The following MAU2 variants were observed in gnomAD, a reference collection of about 807,000 sequenced individuals.
MAU2 encodes MAU2 sister chromatid cohesion factor.
In MAU2, 9 loss-of-function variants were observed where a neutral mutation model predicts 89.1. The ratio of observed to expected loss-of-function variants is 0.10; its 90% confidence interval spans 0.06 to 0.18. MAU2 has a LOEUF of 0.18. MAU2 is among the 10% of genes least tolerant of loss of function. The pLI is 1.00. For missense variants in MAU2, 425 were observed against 803.5 expected (o/e 0.53, Z 5.69); for synonymous variants, 357 against 343.4 (o/e 1.04, Z -0.44).
chr19:19,331,699 C>G (rs1680127940), intron 1 of MAU2, among the ~76,000 whole-genome samples: 1 of 149,622 alleles, frequency 6.7e-6, no homozygotes. Flanking sequence ...CCCAGGAGTT[C>G]AAGACCAGCC....
intron 16 of MAU2, 148 bp from the exon 17 acceptor site, chr19:19,354,207 A>T (rs2048151444): frequency 3.0e-6 from 2 of 666,314 alleles, no homozygotes; most frequent in Non-Finnish European, 5.5e-6. Context: ...CTCTGAGGTA[A>T]GCATAGGAGT....
At chr19:19,355,158 C>A in intron 17 of MAU2, 106 bp from the exon 18 acceptor site, 1 of 1,427,202 alleles carries the variant, frequency 7.0e-7, no homozygotes, top group Non-Finnish European at 9.6e-7. Context: ...CCCAGAGATC[C>A]ACCAGTGCAG....
chr19:19,327,354 C>T (rs1384185421), intron 1 of MAU2, among the ~76,000 whole-genome samples: 3 of 150,194 alleles, frequency 2.0e-5, no homozygotes, highest in Admixed American at 6.7e-5. Flanking sequence ...GAGACAGAGT[C>T]TCGCTCTGTC....
intron 16 of MAU2, chr19:19,354,085 C>G (rs975267603): frequency 3.9e-6 from 2 of 506,978 alleles, no homozygotes; most frequent in African/African-American, 3.9e-5. Context: ...TCTGCTTGAA[C>G]AGGTAGAAGC....
chr19:19,322,524 C>G (rs941561785), intron 1 of MAU2, among the ~76,000 whole-genome samples: 4 of 152,150 alleles, frequency 2.6e-5, no homozygotes, highest in Non-Finnish European at 5.9e-5. Flanking sequence ...AGCTAAGCCC[C>G]GGGAGGTCGT....
In MAU2 at chr19:19,345,022, CT is replaced by C. The variant is rs2061681910; in HGVS notation, c.1155+97del. On this transcript the variant is annotated intron_variant, in intron 11 of 18. Transcript: ENST00000262815. This position sits in a 1 kb window ranked among gnomAD's most constrained non-coding sequence, Gnocchi z 4.9. ...CAGAACATTCCCAGTGAAGGACCCC[CT>C]GACAGCACCCTAATCAGAATCCGGA... The C allele has an allele frequency of 2.3e-5, 25 of 1,091,230 alleles. No homozygotes were observed. The highest frequency in any genetic ancestry group is 3.2e-5 in the Non-Finnish European group (23 of 729,136). The allele number at this position is 1,091,230 out of a possible 1,614,324, so 67.6% of individuals were successfully genotyped here.
At chr19:19,333,768 T>G (rs1049842124) in intron 1 of MAU2, among the ~76,000 whole-genome samples, 6 of 152,210 alleles carry the variant, frequency 3.9e-5, no homozygotes, top group Non-Finnish European at 8.8e-5. Context: ...TTACCTCTGC[T>G]GGGATGCAGT....
chr19:19,335,884 CTGCTGCCCTTGGGCGCTG>C (rs1466945313), intron 2 of MAU2, 149 bp downstream of exon 2: 9 of 925,710 alleles, frequency 9.7e-6, no homozygotes, highest in South Asian at 7.1e-5. Context: ...ACCTGGCCCT[CTGCTGCCCTTGGGCGCTG>C]TGCTCCTCTT....
rs975320898 is a variant in MAU2, at chr19:19,343,817, C to T, written c.974-20C>T. The T allele has an allele frequency of 1.3e-6, 2 of 1,595,442 alleles. No individual in the cohort carries two copies. Among genetic ancestry groups the T allele is most frequent in the Non-Finnish European group, 1.7e-6 (2 of 1,164,038 alleles). ...TCCTCTGGCCTCCCCTGCATGCTTA[C>T]CCCTGACTCTCACCCATAGTGCTGG... On this transcript the variant is annotated intron_variant, in intron 9 of 18. Transcript: ENST00000262815.
chr19:19,354,208 G>A (rs561151266), intron 16 of MAU2, 147 bp from the exon 17 acceptor site: 13 of 671,140 alleles, frequency 1.9e-5, no homozygotes, highest in Admixed American at 1.7e-4. Flanking sequence ...TCTGAGGTAA[G>A]CATAGGAGTT....
chr19:19,323,369 A>G (rs1192740959), intron 1 of MAU2, among the ~76,000 whole-genome samples: 2 of 151,184 alleles, frequency 1.3e-5, no homozygotes, highest in Non-Finnish European at 2.9e-5. Context: ...TAATTTTTGT[A>G]TTTTTAGTAG....
intron 1 of MAU2, among the ~76,000 whole-genome samples, chr19:19,325,080 GC>G (rs1299566314): frequency 1.3e-5 from 2 of 152,154 alleles, no homozygotes; most frequent in African/African-American, 2.4e-5. Context: ...TTCTTGGAGA[GC>G]CAACCCAGTG....
chr19:19,323,524 T>A (rs1475316089), intron 1 of MAU2, among the ~76,000 whole-genome samples: 1 of 150,318 alleles, frequency 6.7e-6, no homozygotes, highest in African/African-American at 2.5e-5. Context: ...TTATTTATTT[T>A]GAGACAGGGT....
intron 16 of MAU2, among the ~76,000 whole-genome samples, chr19:19,352,098 T>C (rs1404095078): frequency 6.6e-6 from 1 of 151,992 alleles, no homozygotes; most frequent in African/African-American, 2.4e-5. Flanking sequence ...ATCTGCCTAC[T>C]TCAGCCTCCC....
Position 19,342,775 on chromosome 19 carries a change from G to A in MAU2, c.883-1G>A. The stretch of plus-strand genomic sequence containing the variant: ...CCCCTGCTGTCTGGTCTTGTCGCTA[G>A]GTGACTGTGATGCACTCCATGCAGG... On this transcript the variant is annotated splice_acceptor_variant, in intron 8 of 18. Coordinates refer to ENST00000262815, the MANE Select transcript of MAU2 (RefSeq NM_015329.4). LOFTEE classifies it high-confidence loss of function. The A allele has an allele frequency of 6.2e-7, 1 of 1,614,060 alleles. No individual in the cohort carries two copies. Among genetic ancestry groups the A allele is most frequent in the Non-Finnish European group, 8.5e-7 (1 of 1,179,984 alleles).
chr19:19,330,538 C>G (rs182904232), intron 1 of MAU2, among the ~76,000 whole-genome samples: 12 of 152,214 alleles, frequency 7.9e-5, no homozygotes, highest in African/African-American at 2.6e-4. Context: ...GTCAGGAGTT[C>G]GAGACCTGCC....
chr19:19,354,031 G>A, intron 16 of MAU2: 1 of 380,456 alleles, frequency 2.6e-6, no homozygotes, highest in Middle Eastern at 8.3e-4. Flanking sequence ...TTTCTGATCA[G>A]CCCCCATTGT....
intron 10 of MAU2, 57 bp downstream of exon 10, chr19:19,343,997 T>C: frequency 2.1e-6 from 3 of 1,426,788 alleles, no homozygotes; most frequent in South Asian, 1.1e-5. Flanking sequence ...GTCTCAGCAG[T>C]GTCAGACAAG....
chr19:19,349,005 G>A, intron 14 of MAU2, 67 bp downstream of exon 14: 5 of 1,585,180 alleles, frequency 3.2e-6, no homozygotes, highest in Non-Finnish European at 4.3e-6. Flanking sequence ...TGGGGCCCCT[G>A]ACTGCCCCTT....
Sources: gnomAD v4.1 joint callset for allele counts (sites outside exome capture counted in the v4.1 genomes callset) on GRCh38, gnomAD v4.1.1 for gene constraint, Gnocchi (gnomAD v3.1) non-coding constraint, MANE v1.5 for transcripts, NCBI Gene and HGNC (gene_info 2026-07-23, HGNC 2026-07-21) for gene names.